CRPPA: variants seen among roughly 807,000 people sequenced by gnomAD.
The protein encoded by CRPPA is CDP-L-ribitol pyrophosphorylase A.
In CRPPA, 43 loss-of-function variants were observed where a neutral mutation model predicts 52.0. The observed-to-expected ratio is 0.83, with a 90% confidence interval of 0.65 to 1.07. The LOEUF (loss-of-function observed/expected upper bound fraction) is 1.07. Ranked by LOEUF, CRPPA falls within the 50% of genes least tolerant of loss-of-function variation. The pLI is 0.00. For synonymous variants in CRPPA, 250 were observed against 203.5 expected, an observed-to-expected ratio of 1.23 and a Z score of -1.94; for missense variants, 629 against 551.7, an observed-to-expected ratio of 1.14 and a Z score of -1.40.
chr7:16,222,440 A>T (rs186527385), intron 8 of CRPPA, among the ~76,000 whole-genome samples: 1 of 150,048 alleles, frequency 6.7e-6, no homozygotes, highest in Non-Finnish European at 1.5e-5. Context: ...AACTTAAAGT[A>T]TAATTAAAAA....
chr7:16,092,977 C>G (rs1781865278), intron 9 of CRPPA, among the ~76,000 whole-genome samples: 1 of 152,128 alleles, frequency 6.6e-6, no homozygotes, highest in African/African-American at 2.4e-5. Context: ...TTAGCTGACC[C>G]TAATTACTCT....
At chr7:16,139,746 A>T (rs970080905) in intron 9 of CRPPA, among the ~76,000 whole-genome samples, 44 of 152,324 alleles carry the variant, frequency 2.9e-4, no homozygotes, top group African/African-American at 1.0e-3. Flanking sequence ...AGAAAGGAAA[A>T]GAAATGTGTC....
chr7:16,275,172 A>C (rs968078522), intron 6 of CRPPA, among the ~76,000 whole-genome samples: 2 of 152,232 alleles, frequency 1.3e-5, no homozygotes, highest in African/African-American at 4.8e-5. Context: ...GTAAACCAAG[A>C]AAGACAGAAA....
At chr7:16,397,909 G>A (rs1365432294) in intron 2 of CRPPA, among the ~76,000 whole-genome samples, 2 of 152,180 alleles carry the variant, frequency 1.3e-5, no homozygotes, top group Admixed American at 6.5e-5. Flanking sequence ...CATGTTTGAC[G>A]TGACCAACAC....
At chr7:16,390,717 T>C (rs1414514637) in intron 2 of CRPPA, among the ~76,000 whole-genome samples, 1 of 152,188 alleles carries the variant, frequency 6.6e-6, no homozygotes, top group Non-Finnish European at 1.5e-5. Flanking sequence ...CAAAAATGAC[T>C]TGTGAATCAC....
chr7:16,185,203 C>T (rs1351193301), intron 9 of CRPPA, among the ~76,000 whole-genome samples: 1 of 152,180 alleles, frequency 6.6e-6, no homozygotes. Flanking sequence ...AAAGGCGTGT[C>T]ACACATGGCA....
chr7:16,380,752 T>C (rs1787062899), intron 2 of CRPPA, among the ~76,000 whole-genome samples: 1 of 152,228 alleles, frequency 6.6e-6, no homozygotes, highest in African/African-American at 2.4e-5. Flanking sequence ...TATCCATTTC[T>C]TCTAGATTTT....
chr7:16,105,081 G>C (rs572124374), intron 9 of CRPPA, among the ~76,000 whole-genome samples: 1 of 152,250 alleles, frequency 6.6e-6, no homozygotes, highest in African/African-American at 2.4e-5. Context: ...ATCCTGGAGA[G>C]AAAACACAAC....
At chr7:16,397,835 G>A (rs1292647480) in intron 2 of CRPPA, among the ~76,000 whole-genome samples, 4 of 152,084 alleles carry the variant, frequency 2.6e-5, no homozygotes, top group Admixed American at 1.3e-4. Flanking sequence ...GATCCACAAA[G>A]GATCAACACG....
intron 7 of CRPPA, 51 bp from the exon 8 acceptor site, chr7:16,258,533 T>G: frequency 9.7e-7 from 1 of 1,036,094 alleles, no homozygotes; most frequent in Admixed American, 2.6e-5. Flanking sequence ...TTAAATGACT[T>G]AAAACTTATT....
At chr7:16,103,372 G>A (rs1026052815) in intron 9 of CRPPA, among the ~76,000 whole-genome samples, 1 of 152,042 alleles carries the variant, frequency 6.6e-6, no homozygotes, top group African/African-American at 2.4e-5. Flanking sequence ...GTTGATGGGT[G>A]CAGCAAACCA....
chr7:16,243,487 C>A (rs1422586915), intron 8 of CRPPA, among the ~76,000 whole-genome samples: 12 of 152,086 alleles, frequency 7.9e-5, no homozygotes, highest in Non-Finnish European at 1.8e-4. Flanking sequence ...GTAATATTGG[C>A]AGACTCCTTA....
At chr7:16,414,957 T>C (rs559312301) in intron 1 of CRPPA, among the ~76,000 whole-genome samples, 15 of 152,238 alleles carry the variant, frequency 9.9e-5, no homozygotes, top group Admixed American at 3.3e-4. Flanking sequence ...TACATATGTC[T>C]ATACATGTAC....
intron 9 of CRPPA, chr7:16,210,629 C>T (rs182433126): frequency 6.6e-6 from 1 of 152,232 alleles, no homozygotes; most frequent in East Asian, 1.9e-4. Context: ...GGGAAAATTT[C>T]CAGGAGAGCT....
intron 9 of CRPPA, among the ~76,000 whole-genome samples, chr7:16,093,350 A>C (rs1224734869): frequency 6.6e-6 from 1 of 152,182 alleles, no homozygotes; most frequent in Non-Finnish European, 1.5e-5. Context: ...TCCTATTTGC[A>C]TATTTAGCCT....
rs1159239014 is a variant in CRPPA at position 16,088,104 on chromosome 7, G to C, written c.*3591C>G. The C allele has an allele frequency of 6.6e-6, 1 of 151,872 alleles. No individual in the cohort carries two copies. The highest frequency in any genetic ancestry group is 1.9e-4 in the East Asian group (1 of 5,174). The allele number at this position is 151,872 out of a possible 1,614,324, so 9.4% of individuals were successfully genotyped here. A position where few individuals can be genotyped will look rare whatever the true frequency, so the allele number is the denominator to read the frequency against. ...TACTTGCAACAAGTCATCTCAAATTGAGCACTTTTATGAAAAAAAATAGGA... is the reference window on the plus strand; with the variant it reads ...TACTTGCAACAAGTCATCTCAAATTCAGCACTTTTATGAAAAAAAATAGGA... On this transcript the variant is annotated 3_prime_UTR_variant, in exon 10 of 10. Coordinates refer to ENST00000407010, the MANE Select transcript of CRPPA (RefSeq NM_001101426.4).
chr7:16,094,842 C>T (rs1308771257), intron 9 of CRPPA, among the ~76,000 whole-genome samples: 3 of 152,008 alleles, frequency 2.0e-5, no homozygotes, highest in African/African-American at 4.8e-5. Context: ...ACAAGTGCTC[C>T]TCAAAACTGT....
intron 6 of CRPPA, among the ~76,000 whole-genome samples, chr7:16,267,622 C>A (rs1783988185): frequency 6.6e-6 from 1 of 152,170 alleles, no homozygotes; most frequent in Non-Finnish European, 1.5e-5. Context: ...ATTGGTATGG[C>A]AAACATAAAT....
At chr7:16,138,983 G>A (rs1325401995) in intron 9 of CRPPA, among the ~76,000 whole-genome samples, 1 of 152,106 alleles carries the variant, frequency 6.6e-6, no homozygotes, top group East Asian at 1.9e-4. Context: ...TGTATTTTTA[G>A]TAGATACAGG....
Sources: gnomAD v4.1 joint callset for allele counts (sites outside exome capture counted in the v4.1 genomes callset) on GRCh38, gnomAD v4.1.1 for gene constraint, MANE v1.5 for transcripts, NCBI Gene and HGNC (gene_info 2026-07-23, HGNC 2026-07-21) for gene names.